The following KIF26B variants were observed in gnomAD, a reference collection of about 807,000 sequenced individuals.
KIF26B encodes the protein kinesin-like protein KIF26B.
A neutral mutation model predicts 151.2 loss-of-function variants in KIF26B; 63 were observed. That is an observed-to-expected ratio of 0.42 (90% CI 0.34 to 0.51). The LOEUF (loss-of-function observed/expected upper bound fraction) is 0.51, where lower values mean the gene tolerates loss of function less well. KIF26B is among the 20% of genes least tolerant of loss of function. KIF26B has a pLI of 0.07. For missense variants in KIF26B, 2,813 were observed against 2,913.6 expected (o/e 0.97, Z 0.79); for synonymous variants, 1,357 against 1,262.1 (o/e 1.08, Z -1.59).
intron 12 of KIF26B, among the ~76,000 whole-genome samples, chr1:245,694,404 C>T (rs534017202): frequency 3.3e-5 from 5 of 152,192 alleles, no homozygotes; most frequent in African/African-American, 7.2e-5. Flanking sequence ...GGCGATGGAG[C>T]GAAAGCCATG....
intron 4 of KIF26B, among the ~76,000 whole-genome samples, chr1:245,474,947 G>T (rs1037878789): frequency 1.3e-5 from 2 of 151,618 alleles, no homozygotes; most frequent in South Asian, 2.1e-4. Flanking sequence ...CATGCATGTT[G>T]TACAGCTCTT....
chr1:245,257,744 G>A (rs376200442), intron 2 of KIF26B, among the ~76,000 whole-genome samples: 3 of 152,290 alleles, frequency 2.0e-5, no homozygotes, highest in South Asian at 2.1e-4. Flanking sequence ...TGGTCAGGCC[G>A]GGTGCAGTGG....
At position 245,658,120 on chromosome 1, in the gene KIF26B, C is replaced by T. The variant is rs193060021; in HGVS notation, c.2258+11840C>T. Among the ~76,000 whole-genome samples, 7 of 152,288 alleles carry T rather than the reference C, an allele frequency of 4.6e-5. No homozygotes were observed. In the East Asian group the frequency reaches 5.8e-4, roughly 13 times the overall value. ...TAGTTTTGTCTGCTGTTGAACGTTA[C>T]GTAAATGAAATCATACTCTATTCTA... On this transcript the variant is annotated intron_variant, in intron 10 of 14. Transcript: ENST00000407071.
rs544451662 is a variant in KIF26B at position 245,371,656 on chromosome 1, G to A, written c.999+4289G>A. The A allele has an allele frequency of 3.9e-5, 6 of 152,264 alleles. No individual in the cohort carries two copies. In the East Asian group the frequency reaches 5.8e-4, roughly 15 times the overall value. 9.4% of individuals were successfully genotyped at this position (152,264 alleles called of 1,614,324 possible). Reference sequence around the variant, plus strand: ...TCACATGGGCGACAGAAGGTCCCTCGAATCCCTCAATCCCCGTGGCCCGCA... The same window carrying A: ...TCACATGGGCGACAGAAGGTCCCTCAAATCCCTCAATCCCCGTGGCCCGCA... On this transcript the variant is annotated intron_variant, in intron 3 of 14. Transcript: ENST00000407071.
At chr1:245,427,414 G>A (rs1156772497) in intron 4 of KIF26B, among the ~76,000 whole-genome samples, 3 of 152,180 alleles carry the variant, frequency 2.0e-5, no homozygotes, top group African/African-American at 4.8e-5. Context: ...TTTGCGACCA[G>A]CTTGACCAAC....
At chr1:245,571,781 G>A (rs1176015179) in intron 5 of KIF26B, among the ~76,000 whole-genome samples, 1 of 151,562 alleles carries the variant, frequency 6.6e-6, no homozygotes, top group Non-Finnish European at 1.5e-5. Flanking sequence ...AGATTCTTTT[G>A]TGAGCCTCTA....
At chr1:245,338,442 A>G (rs952364689) in intron 2 of KIF26B, among the ~76,000 whole-genome samples, 3 of 152,224 alleles carry the variant, frequency 2.0e-5, no homozygotes, top group Admixed American at 6.5e-5. Context: ...AAAATACTTA[A>G]TGGTTATTTA....
intron 4 of KIF26B, among the ~76,000 whole-genome samples, chr1:245,517,869 A>ATTT (rs549396811): frequency 1.5e-5 from 2 of 131,022 alleles, no homozygotes; most frequent in African/African-American, 6.0e-5. Flanking sequence ...GTGTCATGTA[A>ATTT]TTTTTTTTTT....
chr1:245,284,389 T>C (rs1453494601), intron 2 of KIF26B, among the ~76,000 whole-genome samples: 1 of 145,102 alleles, frequency 6.9e-6, no homozygotes, highest in Non-Finnish European at 1.5e-5. Context: ...GGAGTATTAT[T>C]ACCAGCCCAA....
At chr1:245,523,461 C>T (rs912348390) in intron 4 of KIF26B, among the ~76,000 whole-genome samples, 1 of 152,044 alleles carries the variant, frequency 6.6e-6, no homozygotes, top group African/African-American at 2.4e-5. Flanking sequence ...TCCTTTGGGT[C>T]GTTATAACAA....
At chr1:245,533,544 G>A (rs1661424704) in intron 4 of KIF26B, among the ~76,000 whole-genome samples, 1 of 152,078 alleles carries the variant, frequency 6.6e-6, no homozygotes, top group Non-Finnish European at 1.5e-5. Flanking sequence ...AAGATATAGA[G>A]GTCCTTAAAA....
chr1:245,381,143 G>T (rs1446593590), intron 3 of KIF26B, among the ~76,000 whole-genome samples: 1 of 152,002 alleles, frequency 6.6e-6, no homozygotes. Flanking sequence ...AGTAGTGAAG[G>T]GTTAAATTCA....
Position 245,205,288 on chromosome 1 carries a change from A to C in KIF26B, c.465+48605A>C, listed in dbSNP as rs186756294. 3.3e-5 allele frequency among the ~76,000 whole-genome samples: 5 copies of C among 152,292 alleles called. No individual in the cohort carries two copies. In the East Asian group the frequency reaches 9.6e-4, roughly 29 times the overall value. On this transcript the variant is annotated intron_variant, in intron 2 of 14. Transcript: ENST00000407071. ...TGTATTGTTTTTGTAAATGCAGTTTATTCTAAGCACACTATATGCTGGAAT... is the reference window on the plus strand; with the variant it reads ...TGTATTGTTTTTGTAAATGCAGTTTCTTCTAAGCACACTATATGCTGGAAT...
chr1:245,333,037 G>T (rs905789132), intron 2 of KIF26B, among the ~76,000 whole-genome samples: 6 of 152,118 alleles, frequency 3.9e-5, no homozygotes, highest in African/African-American at 1.4e-4. Flanking sequence ...TCAAAGGACT[G>T]GTGGGAAAGA....
At chr1:245,213,164 C>A (rs1669577927) in intron 2 of KIF26B, among the ~76,000 whole-genome samples, 1 of 152,148 alleles carries the variant, frequency 6.6e-6, no homozygotes, top group Non-Finnish European at 1.5e-5. Context: ...TAAGAATGAA[C>A]CTCTGGAGGG....
chr1:245,377,204 C>T (rs939807111), intron 3 of KIF26B, among the ~76,000 whole-genome samples: 1 of 152,232 alleles, frequency 6.6e-6, no homozygotes, highest in Non-Finnish European at 1.5e-5. Flanking sequence ...CGTGAGCCAC[C>T]GCCCCCAGCC....
At chr1:245,405,624 G>GTTTT (rs548316578) in intron 3 of KIF26B, among the ~76,000 whole-genome samples, 3 of 144,872 alleles carry the variant, frequency 2.1e-5, no homozygotes, top group African/African-American at 7.5e-5. Flanking sequence ...TATTGATGTT[G>GTTTT]TTTTTTTTTT....
chr1:245,551,101 A>G (rs1661871625), intron 5 of KIF26B, among the ~76,000 whole-genome samples: 1 of 152,182 alleles, frequency 6.6e-6, no homozygotes, highest in Admixed American at 6.5e-5. Flanking sequence ...GCTGGAGTGC[A>G]GTGGCCCTGA....
intron 4 of KIF26B, among the ~76,000 whole-genome samples, chr1:245,482,886 G>C (rs963942175): frequency 6.6e-6 from 1 of 151,834 alleles, no homozygotes; most frequent in Non-Finnish European, 1.5e-5. Flanking sequence ...TCACGATCTG[G>C]GAGGGCGGTG....
Sources: allele counts gnomAD v4.1 joint callset (sites outside exome capture counted in the v4.1 genomes callset), GRCh38; gene constraint gnomAD v4.1.1; transcripts MANE v1.5; gene names NCBI Gene and HGNC (gene_info 2026-07-23, HGNC 2026-07-21).